EXOSC1: variants seen among roughly 807,000 people sequenced by gnomAD.
EXOSC1 encodes exosome component 1, also known as exosome complex component CSL4.
A neutral mutation model predicts 31.4 loss-of-function variants in EXOSC1; 27 were observed. The ratio of observed to expected loss-of-function variants is 0.86; its 90% CI spans 0.63 to 1.18. The LOEUF (loss-of-function observed/expected upper bound fraction) is 1.18. Among genes scored for constraint, EXOSC1 ranks in the 50% most tolerant of loss-of-function variants. EXOSC1 has a pLI of 0.00. For missense variants in EXOSC1, 228 were observed against 250.3 expected, an observed-to-expected ratio of 0.91 and a Z score of 0.60; for synonymous variants, 84 against 89.5, an observed-to-expected ratio of 0.94 and a Z score of 0.35.
At chr10:97,445,447 A>G (rs1845914863) in intron 2 of EXOSC1, 1 of 502,058 alleles carries the variant, frequency 2.0e-6, no homozygotes, top group Non-Finnish European at 3.6e-6. Flanking sequence ...ACAGTATGCA[A>G]CTCACTGCTG....
In EXOSC1 at chr10:97,438,625, A is replaced by C. The variant is rs145286822; in HGVS notation, c.345+45T>G. On this transcript the variant is annotated intron_variant, in intron 5 of 7. Coordinates refer to ENST00000370902, the MANE Select transcript of EXOSC1 (RefSeq NM_016046.5). ...TGGCCTGAGATAATACTTTTAAGGG[A>C]TTGAGATACGTAAAGCCATTAAAAA... 3,551 of 1,581,916 alleles carry C rather than the reference A, an allele frequency of 2.2e-3. 146 individuals are homozygous for C. In the Admixed American group the frequency reaches 0.056, roughly 25 times the overall value.
rs957127403 is a variant in EXOSC1, at chr10:97,439,970, CTT to C, written c.311+1199_311+1200del. Among the ~76,000 whole-genome samples the C allele has an allele frequency of 6.4e-3, 889 of 139,590 alleles. 3 individuals are homozygous for C. The highest frequency in any genetic ancestry group is 0.021 in the African/African-American group (814 of 38,268). 91.6% of individuals were successfully genotyped at this position (139,590 alleles called of 152,430 possible). ...AAAGTGCTTCCTAAAATGCCTTCTA[CTT>C]TTTTTTTTTTTTTTTTTGAGACGGA... On this transcript the variant is annotated intron_variant, in intron 4 of 7. Coordinates refer to ENST00000370902, the MANE Select transcript of EXOSC1 (RefSeq NM_016046.5).
intron 4 of EXOSC1, 111 bp from the exon 5 acceptor site, chr10:97,438,814 G>A (rs1347105722): frequency 1.2e-5 from 10 of 832,120 alleles, no homozygotes; most frequent in Admixed American, 4.5e-5. Context: ...GTACAGTGGC[G>A]CAATTTTGCT....
chr10:97,445,683 G>T lies in EXOSC1; in HGVS notation c.147+49C>A, dbSNP rs777469580. ...CCATGCCTAAGGACTGGAACTCAAGGGCAGCCTAAGGGAAAAACAGAGGGG... is the reference window on the plus strand; with the variant it reads ...CCATGCCTAAGGACTGGAACTCAAGTGCAGCCTAAGGGAAAAACAGAGGGG... On this transcript the variant is annotated intron_variant, in intron 2 of 7. Coordinates refer to ENST00000370902, the MANE Select transcript of EXOSC1 (RefSeq NM_016046.5). The T allele has an allele frequency of 7.6e-6, 12 of 1,569,910 alleles. No individual in the cohort carries two copies. The Admixed American group carries it at 2.0e-4, about 27-fold the overall frequency.
chr10:97,442,906 G>C (rs1845762177), intron 3 of EXOSC1, among the ~76,000 whole-genome samples: 1 of 152,150 alleles, frequency 6.6e-6, no homozygotes, highest in South Asian at 2.1e-4. Flanking sequence ...GGCCAGGCTG[G>C]TCTTGAACTC....
chr10:97,445,158 G>T (rs372470311), intron 2 of EXOSC1: 1 of 152,488 alleles, frequency 6.6e-6, no homozygotes, highest in Admixed American at 6.5e-5. Context: ...CTTCTCTGAG[G>T]TGATAGTAGA....
At chr10:97,443,408 G>T in intron 2 of EXOSC1, 97 bp from the exon 3 acceptor site, 2 of 1,050,012 alleles carry the variant, frequency 1.9e-6, no homozygotes, top group Non-Finnish European at 2.9e-6. Flanking sequence ...TTGGTATAAA[G>T]GTGAGAGTTG....
At chr10:97,440,155 A>G (rs1212440768) in intron 4 of EXOSC1, among the ~76,000 whole-genome samples, 2 of 151,854 alleles carry the variant, frequency 1.3e-5, no homozygotes, top group East Asian at 3.9e-4. Context: ...TATTTTTAGT[A>G]GAGACGGTGT....
chr10:97,442,824 G>T (rs1589467347), intron 3 of EXOSC1, among the ~76,000 whole-genome samples: 1 of 152,148 alleles, frequency 6.6e-6, no homozygotes, highest in East Asian at 1.9e-4. Flanking sequence ...GGGATTACAG[G>T]CATGCACCAC....
Position 97,445,747 on chromosome 10 carries a change from G to C in EXOSC1, c.132C>G (p.Ser44Arg). 6.2e-7 allele frequency: 1 copy of C among 1,613,524 alleles called. No homozygotes were observed. Among genetic ancestry groups the C allele is most frequent in the Non-Finnish European group, 8.5e-7 (1 of 1,179,510 alleles). ...CTTCCTTTACCGCGCCATTCTCGCTGCTCTTCATCAGACAGCCGGCAAGCG... is the reference window on the plus strand; with the variant it reads ...CTTCCTTTACCGCGCCATTCTCGCTCCTCTTCATCAGACAGCCGGCAAGCG... ...FSSLAGCLMK[S>R]SENGALPVVS... is the part of the protein sequence containing the mutation. Residue 44 changes from serine to arginine, a missense_variant, in exon 2 of 8, where the codon AGC becomes AGG. Physicochemically the swap from Ser to Arg is moderately radical, Grantham distance 110 (BLOSUM62 -1). Transcript: ENST00000370902.
chr10:97,436,779 T>A (rs1272226007), intron 7 of EXOSC1, among the ~76,000 whole-genome samples: 1 of 152,202 alleles, frequency 6.6e-6, no homozygotes, highest in Non-Finnish European at 1.5e-5. Context: ...ATCCCAGCAC[T>A]TTGGGAGGCC....
Position 97,445,971 on chromosome 10 carries a change from C to T in EXOSC1, c.15G>A (p.Val5=). 6.2e-7 allele frequency: 1 copy of T among 1,614,226 alleles called. No individual in the cohort carries two copies. Among genetic ancestry groups the T allele is most frequent in the African/African-American group, 1.3e-5 (1 of 75,048 alleles). Residue 5 remains valine, a synonymous_variant, in exon 1 of 8, where the codon GTG becomes GTA. Transcript: ENST00000370902. ...CTCACTTACCGGGGATGCAGTATCT[C>T]ACAGGTGGCGCCATGATTGCCGCTG... MAPP[V]RYCIPGERLC...
chr10:97,445,821 C>T lies in EXOSC1; in HGVS notation c.58G>A (p.Gly20Ser), dbSNP rs1247733458. ...GTGTAGGTGCCGCTGCCCGGGCTGC[C>T]CTCCTCCAAGTTACACAGACGTTCG... ...PGERLCNLEE[G>S]SPGSGTYTRH... Residue 20 changes from glycine (G) to serine (S), a missense_variant, in exon 2 of 8, where the codon GGC becomes AGC. By Grantham distance (56) the Gly-to-Ser change is moderately conservative. Transcript: ENST00000370902. 1 of 1,613,994 alleles carries T rather than the reference C, an allele frequency of 6.2e-7. No individual in the cohort carries two copies. The highest frequency in any genetic ancestry group is 1.1e-5 in the South Asian group (1 of 91,074).
At chr10:97,436,648 C>T (rs1845547067) in intron 7 of EXOSC1, 97 bp from the exon 8 acceptor site, 2 of 1,100,694 alleles carry the variant, frequency 1.8e-6, no homozygotes, top group South Asian at 3.3e-5. Flanking sequence ...CACCAAGCTT[C>T]CTACTGAACC....
chr10:97,437,759 A>G lies in EXOSC1; in HGVS notation c.346-9T>C, dbSNP rs1276254565. The G allele has an allele frequency of 6.2e-7, 1 of 1,612,192 alleles. No individual in the cohort carries two copies. The highest frequency in any genetic ancestry group is 2.2e-5 in the East Asian group (1 of 44,818). On this transcript the variant is annotated splice_polypyrimidine_tract_variant and intron_variant, in intron 5 of 7. Coordinates refer to ENST00000370902, the MANE Select transcript of EXOSC1 (RefSeq NM_016046.5). ...CTCTTATAAATTTCAACCTGTAAAG[A>G]AAGAACAGGAATGTTAAGTGAAAGC... is the stretch of plus-strand genomic sequence containing the variant.
At chr10:97,439,036 G>A (rs570302464) in intron 4 of EXOSC1, among the ~76,000 whole-genome samples, 1 of 152,162 alleles carries the variant, frequency 6.6e-6, no homozygotes, top group Admixed American at 6.5e-5. Flanking sequence ...ACAGGCATGA[G>A]TCACCTTGCC....
At chr10:97,443,382 G>A (rs532171831) in intron 2 of EXOSC1, 71 bp from the exon 3 acceptor site, 2 of 1,314,076 alleles carry the variant, frequency 1.5e-6, no homozygotes, top group South Asian at 1.2e-5. Flanking sequence ...TGGCTTGAGA[G>A]TAATATAGGA....
intron 2 of EXOSC1, 39 bp downstream of exon 2, chr10:97,445,693 G>T: frequency 6.3e-7 from 1 of 1,597,284 alleles, no homozygotes; most frequent in East Asian, 2.2e-5. Context: ...GGCAGCCTAA[G>T]GGAAAAACAG....
intron 7 of EXOSC1, 134 bp downstream of exon 7, chr10:97,437,045 AAAAGAAAAAAAT>A: frequency 1.2e-6 from 1 of 810,506 alleles, no homozygotes; most frequent in Admixed American, 2.3e-5. Flanking sequence ...CACCAAGCAA[AAAAGAAAAAAAT>A]AATCATTCTA....
Sources: allele counts gnomAD v4.1 joint callset (sites outside exome capture counted in the v4.1 genomes callset), GRCh38; gene constraint gnomAD v4.1.1; transcripts MANE v1.5; gene names NCBI Gene and HGNC (gene_info 2026-07-23, HGNC 2026-07-21).